The following JAKMIP1 variants were observed in gnomAD, a reference collection of about 807,000 sequenced individuals.
JAKMIP1 encodes janus kinase and microtubule interacting protein 1, also known as janus kinase and microtubule-interacting protein 1.
Under a neutral mutation model 113.0 loss-of-function variants are expected in JAKMIP1, and 33 were observed. That is an observed-to-expected ratio of 0.29 (90% CI 0.22 to 0.39). JAKMIP1 has a LOEUF of 0.39. JAKMIP1 is among the 10% of genes least tolerant of loss of function. The pLI is 1.00. For missense variants in JAKMIP1, 813 were observed against 1,080.5 expected (o/e 0.75, Z 3.47); for synonymous variants, 480 against 459.9 (o/e 1.04, Z -0.56).
chr4:6,091,659 A>G (rs75436607), intron 3 of JAKMIP1, among the ~76,000 whole-genome samples: 4,021 of 152,302 alleles, frequency 0.026, 173 homozygotes, highest in African/African-American at 0.089. Flanking sequence ...GCTCCCCTGA[A>G]CACAAACCCA....
At chr4:6,029,806 A>G in intron 19 of JAKMIP1, 25 bp from the exon 20 acceptor site, 1 of 1,525,756 alleles carries the variant, frequency 6.6e-7, no homozygotes, top group South Asian at 1.2e-5. Context: ...GTTACGTGTC[A>G]GAAAAAGTAA....
chr4:6,100,643 G>GA (rs775195750), intron 3 of JAKMIP1, among the ~76,000 whole-genome samples: 8 of 152,108 alleles, frequency 5.3e-5, no homozygotes, highest in Non-Finnish European at 1.0e-4. Flanking sequence ...GACTTTTTAA[G>GA]AAACTACAAA....
chr4:6,045,532 A>G (rs115789654), intron 16 of JAKMIP1, among the ~76,000 whole-genome samples: 2,915 of 152,320 alleles, frequency 0.019, 31 homozygotes, highest in Non-Finnish European at 0.032. Flanking sequence ...CAACACAGGC[A>G]CATCATAGGA....
Position 6,185,489 on chromosome 4 carries a change from A to G in JAKMIP1, c.-148+14764T>C, listed in dbSNP as rs1435371246. Among the ~76,000 whole-genome samples the G allele has an allele frequency of 6.6e-6, 1 of 152,184 alleles. No homozygotes were observed. The highest frequency in any genetic ancestry group is 2.4e-5 in the African/African-American group (1 of 41,456). On this transcript the variant is annotated intron_variant, in intron 1 of 20. Transcript: ENST00000409021. This position sits in a 1 kb window ranked among gnomAD's most constrained non-coding sequence, Gnocchi z 5.3. The stretch of plus-strand genomic sequence containing the variant: ...AGTGAAACCCCATCTCTACTAAAAA[A>G]TACAAAAAATTAGCCGGGCGTGGTG...
chr4:6,060,335 G>A (rs761652591), intron 11 of JAKMIP1, 89 bp downstream of exon 11: 63 of 959,494 alleles, frequency 6.6e-5, no homozygotes, highest in Admixed American at 1.5e-4. Context: ...CCCACAGAAT[G>A]TCCCCCTTGG....
chr4:6,040,702 C>T lies in JAKMIP1; in HGVS notation c.2112G>A (p.Arg704=). Residue 704 remains arginine, a synonymous_variant, in exon 18 of 21, where the codon AGG becomes AGA. Transcript: ENST00000409021. The surrounding 1 kb of genome is among the most constrained non-coding windows in gnomAD (Gnocchi z 5.8). ...DLEKEKDLFS[R]QKGYLEEELD... ...GCTCCTCTTCCAGGTAGCCCTTCTG[C>T]CTGCTGAACAGGTCCTGAGAAAGAG... The T allele has an allele frequency of 6.2e-7, 1 of 1,613,350 alleles. No individual in the cohort carries two copies. Among genetic ancestry groups the T allele is most frequent in the Non-Finnish European group, 8.5e-7 (1 of 1,179,598 alleles).
chr4:6,040,492 A>T lies in JAKMIP1; in HGVS notation c.2175+147T>A. On this transcript the variant is annotated intron_variant, in intron 18 of 20. Coordinates refer to ENST00000409021, the MANE Select transcript of JAKMIP1 (RefSeq NM_001099433.2). This position sits in a 1 kb window ranked among gnomAD's most constrained non-coding sequence, Gnocchi z 5.8. The stretch of plus-strand genomic sequence containing the variant: ...GGAAAAAGGGACAGTCTGTACGGTC[A>T]TTCCAGTCACAAGGTGGAGATGGCA... The T allele has an allele frequency of 4.2e-6, 3 of 711,700 alleles. No homozygotes were observed. The East Asian group carries it at 8.1e-5, about 19-fold the overall frequency. The allele number at this position is 711,700 out of a possible 1,614,324, so 44.1% of individuals were successfully genotyped here. A position where few individuals can be genotyped will look rare whatever the true frequency, so the allele number is the denominator to read the frequency against.
At chr4:6,032,972 A>C (rs1560623617) in intron 19 of JAKMIP1, among the ~76,000 whole-genome samples, 1 of 152,232 alleles carries the variant, frequency 6.6e-6, no homozygotes, top group Non-Finnish European at 1.5e-5. Flanking sequence ...CTGCAGGCCA[A>C]CTGTGGCTAG....
intron 16 of JAKMIP1, among the ~76,000 whole-genome samples, chr4:6,045,247 C>A (rs767141033): frequency 6.6e-6 from 1 of 152,208 alleles, no homozygotes; most frequent in Non-Finnish European, 1.5e-5. Flanking sequence ...TGGCTGAGGC[C>A]GGTGTCTTTT....
rs1199444544 is a variant in JAKMIP1 at position 6,143,891 on chromosome 4, C to CTGA, written c.-147-30897_-147-30895dup. Among the ~76,000 whole-genome samples, 4 of 152,238 alleles carry CTGA rather than the reference C, an allele frequency of 2.6e-5. No homozygotes were observed. Among genetic ancestry groups the CTGA allele is most frequent in the Admixed American group, 1.3e-4 (2 of 15,286 alleles). Reference sequence around the variant, plus strand: ...AAGCCCCATCCCTTCCATTGATTGGCTGATGGCTCTGGGTGAGTGCCTTCC... The same window carrying CTGA: ...AAGCCCCATCCCTTCCATTGATTGGCTGATGATGGCTCTGGGTGAGTGCCTTCC... On this transcript the variant is annotated intron_variant, in intron 1 of 20. Transcript: ENST00000409021. The surrounding 1 kb of genome is among the most constrained non-coding windows in gnomAD (Gnocchi z 4.9).
chr4:6,148,754 C>T (rs1330729685), intron 1 of JAKMIP1, among the ~76,000 whole-genome samples: 2 of 152,246 alleles, frequency 1.3e-5, no homozygotes, highest in African/African-American at 2.4e-5. Context: ...CCATCACACC[C>T]GAGGCTGCAA....
chr4:6,141,336 T>C lies in JAKMIP1; in HGVS notation c.-147-28339A>G, dbSNP rs1720123525. 6.6e-6 allele frequency among the ~76,000 whole-genome samples: 1 copy of C among 151,782 alleles called. No individual in the cohort carries two copies. On this transcript the variant is annotated intron_variant, in intron 1 of 20. Transcript: ENST00000409021. This position sits in a 1 kb window ranked among gnomAD's most constrained non-coding sequence, Gnocchi z 9.4. ...CTGTAATCCCAGCTACTTGACAGGCTGAGGCAGGAGAATTGCTTGAACCCG... is the reference window on the plus strand; with the variant it reads ...CTGTAATCCCAGCTACTTGACAGGCCGAGGCAGGAGAATTGCTTGAACCCG...
intron 1 of JAKMIP1, among the ~76,000 whole-genome samples, chr4:6,125,473 C>T (rs983868979): frequency 6.6e-6 from 1 of 152,152 alleles, no homozygotes; most frequent in Non-Finnish European, 1.5e-5. Context: ...GTTGTTCATT[C>T]TGCACCCAAC....
At chr4:6,134,640 C>T (rs541515832) in intron 1 of JAKMIP1, among the ~76,000 whole-genome samples, 2 of 152,326 alleles carry the variant, frequency 1.3e-5, no homozygotes, top group East Asian at 1.9e-4. Context: ...CCACCAGACT[C>T]GGTGCCCATG....
intron 1 of JAKMIP1, among the ~76,000 whole-genome samples, chr4:6,171,094 C>G (rs1270137807): frequency 6.8e-6 from 1 of 148,062 alleles, no homozygotes; most frequent in Non-Finnish European, 1.5e-5. Flanking sequence ...ACCCTTCTCA[C>G]TACTACCACC....
chr4:6,085,707 G>A, intron 3 of JAKMIP1, 78 bp from the exon 4 acceptor site: 1 of 1,378,704 alleles, frequency 7.3e-7, no homozygotes, highest in South Asian at 1.2e-5. Flanking sequence ...GGGGCCTTCG[G>A]CCCAGGGAAA....
Position 6,085,434 on chromosome 4 carries a change from G to A in JAKMIP1, c.820C>T (p.Leu274Phe). 1 of 1,613,232 alleles carries A rather than the reference G, an allele frequency of 6.2e-7. No individual in the cohort carries two copies. Among genetic ancestry groups the A allele is most frequent in the African/African-American group, 1.3e-5 (1 of 75,058 alleles). Residue 274 changes from leucine to phenylalanine, a missense_variant, in exon 4 of 21, where the codon CTC (leucine) becomes TTC (phenylalanine). Physicochemically the swap from Leu to Phe is conservative, Grantham distance 22. Coordinates refer to ENST00000409021, the MANE Select transcript of JAKMIP1 (RefSeq NM_001099433.2). ...CTGCCCCTCACCTGGACGCCCATGAGCTCCACCATGTCCCCGATCCCGGGC... is the reference window on the plus strand; with the variant it reads ...CTGCCCCTCACCTGGACGCCCATGAACTCCACCATGTCCCCGATCCCGGGC... ...LPPGIGDMVE[L>F]MGVQDQHMDE...
At chr4:6,144,464 G>A (rs1404758939) in intron 1 of JAKMIP1, among the ~76,000 whole-genome samples, 1 of 152,122 alleles carries the variant, frequency 6.6e-6, no homozygotes, top group Non-Finnish European at 1.5e-5. Context: ...TACAAATATA[G>A]ATGCAAAAAT....
rs1469977808 is a variant in JAKMIP1, at chr4:6,199,466, G to A, written c.-148+787C>T. ...CCGCAGCGCACTGACGCAGGCCAGC[G>A]AGGCCGCTGGCCCCGACGCAGGGCG... On this transcript the variant is annotated intron_variant, in intron 1 of 20. Transcript: ENST00000409021. This position sits in a 1 kb window ranked among gnomAD's most constrained non-coding sequence, Gnocchi z 5.6. 3.9e-5 allele frequency among the ~76,000 whole-genome samples: 6 copies of A among 152,192 alleles called. No individual in the cohort carries two copies. The highest frequency in any genetic ancestry group is 7.2e-5 in the African/African-American group (3 of 41,462).
Sources: gnomAD v4.1 joint callset for allele counts (sites outside exome capture counted in the v4.1 genomes callset) on GRCh38, gnomAD v4.1.1 for gene constraint, Gnocchi (gnomAD v3.1) non-coding constraint, MANE v1.5 for transcripts, NCBI Gene and HGNC (gene_info 2026-07-23, HGNC 2026-07-21) for gene names.